The following CDYL variants were observed in gnomAD, a reference collection of about 807,000 sequenced individuals.
CDYL encodes the protein chromodomain Y-like protein.
Under a neutral mutation model 47.3 loss-of-function variants are expected in CDYL, and 8 were observed. That is an observed-to-expected ratio of 0.17 (90% CI 0.10 to 0.31). CDYL has a LOEUF of 0.31. Ranked by LOEUF, CDYL falls within the 10% of genes least tolerant of loss-of-function variation. The probability of loss-of-function intolerance (pLI) is 1.00; values close to 1 mark genes in which losing one functional copy is unlikely to be tolerated. For synonymous variants in CDYL, 266 were observed against 265.0 expected, an observed-to-expected ratio of 1.00 and a Z score of -0.04; for missense variants, 471 against 701.4, an observed-to-expected ratio of 0.67 and a Z score of 3.71.
chr6:4,836,320 T>C (rs1760304817), intron 1 of CDYL: 1 of 916,124 alleles, frequency 1.1e-6, no homozygotes, highest in Admixed American at 6.2e-5. Context: ...TGAGTTTTAA[T>C]TATTTATTTT....
chr6:4,752,912 A>AGG (rs1758019637), intron 3 of CDYL, among the ~76,000 whole-genome samples: 4 of 149,450 alleles, frequency 2.7e-5, no homozygotes, highest in South Asian at 4.2e-4. Flanking sequence ...AGGTAGGTAG[A>AGG]TAGATAGATA....
At chr6:4,877,029 A>G (rs543278411) in intron 1 of CDYL, among the ~76,000 whole-genome samples, 3 of 152,374 alleles carry the variant, frequency 2.0e-5, no homozygotes, top group East Asian at 1.9e-4. Flanking sequence ...AAAATGTGCC[A>G]TCTGTGAGGA....
chr6:4,725,857 T>C (rs910190977), intron 2 of CDYL, among the ~76,000 whole-genome samples: 1 of 152,248 alleles, frequency 6.6e-6, no homozygotes, highest in South Asian at 2.1e-4. Flanking sequence ...CCGGACACGC[T>C]GTCACCTCTC....
intron 1 of CDYL, among the ~76,000 whole-genome samples, chr6:4,842,002 AAATT>A (rs528280277): frequency 1.5e-3 from 221 of 145,472 alleles, no homozygotes; most frequent in South Asian, 4.6e-3. Flanking sequence ...TAATATAAAT[AAATT>A]AATTATATTT....
At position 4,895,310 on chromosome 6, in the gene CDYL, C is replaced by CATATATACATGTATGTAT. The variant is rs1762215094; in HGVS notation, c.691+2937_691+2938insACATGTATGTATATATAT. ...ATATATGCATGTATGTATATATGTGCATATATGCATGTATGTATATATGTG... is the reference window on the plus strand; with the variant it reads ...ATATATGCATGTATGTATATATGTGCATATATACATGTATGTATATATATGCATGTATGTATATATGTG... On this transcript the variant is annotated intron_variant, in intron 2 of 6. Transcript: ENST00000397588. Among the ~76,000 whole-genome samples the CATATATACATGTATGTAT allele has an allele frequency of 2.2e-4, 27 of 124,886 alleles. 11 individuals are homozygous for CATATATACATGTATGTAT. Among genetic ancestry groups the CATATATACATGTATGTAT allele is most frequent in the African/African-American group, 1.4e-3 (27 of 19,006 alleles). The allele number at this position is 124,886 out of a possible 152,430, so 81.9% of individuals were successfully genotyped here.
At chr6:4,888,365 T>C (rs1761954273) in intron 1 of CDYL, among the ~76,000 whole-genome samples, 1 of 152,164 alleles carries the variant, frequency 6.6e-6, no homozygotes, top group Non-Finnish European at 1.5e-5. Flanking sequence ...TCTTGGTTCA[T>C]TTTGACTAGT....
chr6:4,716,787 A>C (rs900213226), intron 2 of CDYL, among the ~76,000 whole-genome samples: 2 of 152,154 alleles, frequency 1.3e-5, no homozygotes, highest in African/African-American at 4.8e-5. Context: ...TGTTGGGTGC[A>C]CAAAAAGCAT....
At chr6:4,948,933 T>G (rs1314414047) in intron 5 of CDYL, among the ~76,000 whole-genome samples, 1 of 152,200 alleles carries the variant, frequency 6.6e-6, no homozygotes, top group African/African-American at 2.4e-5. Flanking sequence ...GAGCCTTTGG[T>G]GTACTTGAGC....
chr6:4,856,743 G>T (rs1051732051), intron 1 of CDYL, among the ~76,000 whole-genome samples: 8 of 152,210 alleles, frequency 5.3e-5, no homozygotes, highest in Admixed American at 5.2e-4. Context: ...GTAGCTTGGG[G>T]CCTGGGGGGA....
intron 2 of CDYL, among the ~76,000 whole-genome samples, chr6:4,935,150 G>C (rs1758150035): frequency 6.6e-6 from 1 of 152,146 alleles, no homozygotes; most frequent in South Asian, 2.1e-4. Flanking sequence ...ATGTTTTCTT[G>C]ATTATTTTCC....
chr6:4,861,355 T>A (rs1761163887), intron 1 of CDYL, among the ~76,000 whole-genome samples: 1 of 152,166 alleles, frequency 6.6e-6, no homozygotes, highest in Non-Finnish European at 1.5e-5. Context: ...CCCCAGGACT[T>A]CTTATTGAAG....
chr6:4,722,190 G>A (rs574047157), intron 2 of CDYL, among the ~76,000 whole-genome samples: 30 of 152,258 alleles, frequency 2.0e-4, no homozygotes, highest in African/African-American at 6.7e-4. Context: ...CAGAGGCCAG[G>A]CACAGTAGCT....
chr6:4,847,260 C>G (rs1760689727), intron 1 of CDYL, among the ~76,000 whole-genome samples: 1 of 152,200 alleles, frequency 6.6e-6, no homozygotes, highest in Non-Finnish European at 1.5e-5. Flanking sequence ...CTGTGCATCT[C>G]ATTACTTTGT....
intron 1 of CDYL, among the ~76,000 whole-genome samples, chr6:4,851,899 G>T (rs1760839718): frequency 6.6e-6 from 1 of 152,106 alleles, no homozygotes; most frequent in Admixed American, 6.5e-5. Context: ...GGGTGATAAT[G>T]ATACTAACCA....
At chr6:4,874,790 G>A (rs1254935514) in intron 1 of CDYL, among the ~76,000 whole-genome samples, 1 of 152,130 alleles carries the variant, frequency 6.6e-6, no homozygotes, top group African/African-American at 2.4e-5. Flanking sequence ...CCTCTTCTAG[G>A]ATTTCATACA....
chr6:4,898,315 A>G (rs1762346703), intron 2 of CDYL, among the ~76,000 whole-genome samples: 1 of 152,220 alleles, frequency 6.6e-6, no homozygotes, highest in Non-Finnish European at 1.5e-5. Flanking sequence ...CCTCCACTTG[A>G]AAAGAGAAGA....
At chr6:4,712,799 CAGG>C (rs1036098472) in intron 1 of CDYL, among the ~76,000 whole-genome samples, 1 of 152,174 alleles carries the variant, frequency 6.6e-6, no homozygotes, top group Non-Finnish European at 1.5e-5. Context: ...ATGTTCAAGC[CAGG>C]AGAACTAGCA....
intron 1 of CDYL, among the ~76,000 whole-genome samples, chr6:4,890,772 A>G (rs931046004): frequency 1.3e-4 from 20 of 152,348 alleles, no homozygotes; most frequent in African/African-American, 4.6e-4. Context: ...GTTCTTAATT[A>G]AAGAGCCACT....
At chr6:4,909,318 G>A (rs557253963) in intron 2 of CDYL, among the ~76,000 whole-genome samples, 7 of 152,272 alleles carry the variant, frequency 4.6e-5, no homozygotes, top group African/African-American at 1.4e-4. Flanking sequence ...TCCGGCGTCC[G>A]TAAGTGCTAC....
Sources: gnomAD v4.1 joint callset for allele counts (sites outside exome capture counted in the v4.1 genomes callset) on GRCh38, gnomAD v4.1.1 for gene constraint, MANE v1.5 for transcripts, NCBI Gene and HGNC (gene_info 2026-07-23, HGNC 2026-07-21) for gene names.